The following NWD1 variants were observed in gnomAD, a reference collection of about 807,000 sequenced individuals.
NWD1 encodes the protein NACHT and WD repeat domain containing 1.
NWD1 carries 129 observed loss-of-function variants against 135.1 expected under a neutral mutation model. That is an observed-to-expected ratio of 0.96 (90% CI 0.83 to 1.11). NWD1 has a LOEUF of 1.11. Ranked by LOEUF, NWD1 falls within the 50% of genes least tolerant of loss-of-function variation. NWD1 has a pLI of 0.00. For missense variants in NWD1, 1,740 were observed against 1,851.3 expected (o/e 0.94, Z 1.10); for synonymous variants, 773 against 786.0 (o/e 0.98, Z 0.28).
intron 17 of NWD1, among the ~76,000 whole-genome samples, chr19:16,804,078 C>T (rs1356090866): frequency 6.6e-6 from 1 of 152,108 alleles, no homozygotes; most frequent in Non-Finnish European, 1.5e-5. Flanking sequence ...GATATTTGCA[C>T]AAGTGATGTA....
rs1476173711 is a variant in NWD1, at chr19:16,759,433, G to A, written c.1973+5G>A. 1 of 1,549,594 alleles carries A rather than the reference G, an allele frequency of 6.5e-7. No homozygotes were observed. Among genetic ancestry groups the A allele is most frequent in the African/African-American group, 1.4e-5 (1 of 73,410 alleles). On this transcript the variant is annotated splice_donor_5th_base_variant and intron_variant, in intron 7 of 18. Transcript: ENST00000524140. ...CCTCCTGGCCATTGCCCACAGGTAG[G>A]TCCAGGCAGCAGTGGCAGCGACACT...
rs1169391212 is a variant in NWD1 at position 16,749,375 on chromosome 19, C to T, written c.733C>T (p.Pro245Ser). 1 of 1,613,682 alleles carries T rather than the reference C, an allele frequency of 6.2e-7. No homozygotes were observed. The highest frequency in any genetic ancestry group is 1.7e-5 in the Admixed American group (1 of 59,972). Residue 245 changes from proline to serine, a missense_variant, in exon 6 of 19, where the codon CCG becomes TCG. Transcript: ENST00000524140. ...HPGVLKTHRL[P>S]WSRDLVNPKN... ...AGGGGTCCTCAAGACCCACCGCCTG[C>T]CGTGGAGCCGCGACTTGGTGAACCC...
At chr19:16,725,052 C>T (rs2122665415) in intron 2 of NWD1, among the ~76,000 whole-genome samples, 1 of 151,614 alleles carries the variant, frequency 6.6e-6, no homozygotes, top group Non-Finnish European at 1.5e-5. Context: ...CACTCTGTCG[C>T]CCAGGCTGGA....
At chr19:16,742,045 C>T (rs762858548) in intron 4 of NWD1, among the ~76,000 whole-genome samples, 32 of 152,044 alleles carry the variant, frequency 2.1e-4, no homozygotes, top group South Asian at 4.2e-4. Context: ...TACCACTGCA[C>T]GCCAGCCTGG....
At chr19:16,757,312 C>G (rs1968835852) in intron 6 of NWD1, among the ~76,000 whole-genome samples, 2 of 152,138 alleles carry the variant, frequency 1.3e-5, no homozygotes, top group African/African-American at 4.8e-5. Context: ...CCAAGAAACG[C>G]TGCACTCAGC....
intron 17 of NWD1, among the ~76,000 whole-genome samples, chr19:16,802,807 C>G (rs1970642170): frequency 6.6e-6 from 1 of 151,974 alleles, no homozygotes; most frequent in African/African-American, 2.4e-5. Context: ...TCGAGACTAG[C>G]CTGGCCAACA....
At chr19:16,779,577 T>C in intron 12 of NWD1, 112 bp downstream of exon 12, 2 of 966,632 alleles carry the variant, frequency 2.1e-6, no homozygotes, top group Non-Finnish European at 3.2e-6. Context: ...CCTTTGTTCC[T>C]GCATCACTTA....
chr19:16,754,225 TATCC>T (rs1968692794), intron 6 of NWD1, among the ~76,000 whole-genome samples: 2 of 144,674 alleles, frequency 1.4e-5, no homozygotes, highest in Admixed American at 1.4e-4. Flanking sequence ...TAAATCCATC[TATCC>T]ATCCATCCAT....
chr19:16,763,652 C>A (rs942763084), intron 8 of NWD1, among the ~76,000 whole-genome samples, 176 bp from the exon 9 acceptor site: 1 of 152,146 alleles, frequency 6.6e-6, no homozygotes, highest in Admixed American at 6.6e-5. Flanking sequence ...CTCTGAGTCC[C>A]AGATGTCGTC....
rs1568344455 is a variant in NWD1 at position 16,744,379 on chromosome 19, G to A, written c.199-42G>A. The stretch of plus-strand genomic sequence containing the variant: ...GCGACAGAGCAAGACCTTGTCTGAA[G>A]AAAAAAAGTGAGATTTGAATCTGTG... On this transcript the variant is annotated intron_variant, in intron 4 of 18. Coordinates refer to ENST00000524140, the MANE Select transcript of NWD1 (RefSeq NM_001007525.5). 6 of 1,524,274 alleles carry A rather than the reference G, an allele frequency of 3.9e-6. No homozygotes were observed. The South Asian group carries it at 6.0e-5, about 15-fold the overall frequency. 94.4% of individuals were successfully genotyped at this position (1,524,274 alleles called of 1,614,324 possible). A position where few individuals can be genotyped will look rare whatever the true frequency, so the allele number is the denominator to read the frequency against.
chr19:16,811,412 C>T (rs372811409), intron 18 of NWD1, among the ~76,000 whole-genome samples: 9 of 151,570 alleles, frequency 5.9e-5, no homozygotes, highest in African/African-American at 1.9e-4. Flanking sequence ...GGTGAAACCT[C>T]ATCTCTCATA....
In NWD1 at chr19:16,736,655, A is replaced by G; in HGVS notation, c.103A>G (p.Ile35Val). 1 of 1,535,436 alleles carries G rather than the reference A, an allele frequency of 6.5e-7. No homozygotes were observed. The highest frequency in any genetic ancestry group is 2.4e-5 in the East Asian group (1 of 40,906). ...MFEVVDLRWG[I>V]RNIEATDHLT... ...CCAGGTCGTTGATCTGAGGTGGGGTATTCGGAACATTGAAGCCACTGACCA... is the reference window on the plus strand; with the variant it reads ...CCAGGTCGTTGATCTGAGGTGGGGTGTTCGGAACATTGAAGCCACTGACCA... Residue 35 changes from isoleucine to valine, a missense_variant, in exon 4 of 19, where the codon ATT (isoleucine) becomes GTT (valine). Transcript: ENST00000524140.
chr19:16,736,636 C>A lies in NWD1; in HGVS notation c.84C>A (p.Val28=). Residue 28 remains valine (V), a splice_region_variant and synonymous_variant, in exon 4 of 19, where the codon GTC becomes GTA. Coordinates refer to ENST00000524140, the MANE Select transcript of NWD1 (RefSeq NM_001007525.5). ...FCQRHGLMFE[V]VDLRWGIRNI... is the part of the protein sequence containing the mutation. Reference sequence around the variant, plus strand: ...AAACTTGTGTTTCTATTTCCCAGGTCGTTGATCTGAGGTGGGGTATTCGGA... The same window carrying A: ...AAACTTGTGTTTCTATTTCCCAGGTAGTTGATCTGAGGTGGGGTATTCGGA... The A allele has an allele frequency of 6.6e-7, 1 of 1,523,964 alleles. No homozygotes were observed. The highest frequency in any genetic ancestry group is 1.2e-5 in the South Asian group (1 of 83,788). 94.4% of individuals were successfully genotyped at this position (1,523,964 alleles called of 1,614,324 possible).
At position 16,807,723 on chromosome 19, in the gene NWD1, T is replaced by C. The variant is rs1213778766; in HGVS notation, c.3874T>C (p.Cys1292Arg). The change falls in exon 18 of 19, where the codon TGC (cysteine) becomes CGC (arginine). Residue 1292 changes from cysteine to arginine, a missense_variant. Physicochemically the swap from Cys to Arg is radical, Grantham distance 180. Coordinates refer to ENST00000524140, the MANE Select transcript of NWD1 (RefSeq NM_001007525.5). ...FPLNSRQDVICIPPPEARKAI... is the reference protein window; with the variant it reads ...FPLNSRQDVIRIPPPEARKAI... ...CCTGAATTCCAGGCAGGACGTGATATGCATTCCCCCTCCCGAGGCCCGGAA... is the reference window on the plus strand; with the variant it reads ...CCTGAATTCCAGGCAGGACGTGATACGCATTCCCCCTCCCGAGGCCCGGAA... 1.9e-6 allele frequency: 3 copies of C among 1,613,552 alleles called. No homozygotes were observed. Among genetic ancestry groups the C allele is most frequent in the Non-Finnish European group, 2.5e-6 (3 of 1,179,740 alleles).
rs1397042105 is a variant in NWD1, at chr19:16,799,899, C to G, written c.3473C>G (p.Ser1158Ter). Reference protein sequence around the residue: ...LDALIQVWSLSEQGTLLDILE... With the variant: ...LDALIQVWSL ...CTGCTTCCTCAGGTGTGGAGTCTGT[C>G]AGAACAGGGGACCCTTCTGGACATC... The change falls in exon 17 of 19, where the codon TCA becomes TGA. Residue 1158 changes from serine (S) to a stop codon, truncating the protein, a stop_gained. Coordinates refer to ENST00000524140, the MANE Select transcript of NWD1 (RefSeq NM_001007525.5). LOFTEE classifies it high-confidence loss of function. 1 of 1,607,790 alleles carries G rather than the reference C, an allele frequency of 6.2e-7. No homozygotes were observed. Among genetic ancestry groups the G allele is most frequent in the South Asian group, 1.1e-5 (1 of 90,346 alleles).
chr19:16,800,810 C>T (rs750454565), intron 17 of NWD1, among the ~76,000 whole-genome samples: 4 of 152,110 alleles, frequency 2.6e-5, no homozygotes, highest in African/African-American at 9.7e-5. Context: ...TGCTACAGTT[C>T]GGAGGTTTGG....
intron 13 of NWD1, 50 bp from the exon 14 acceptor site, chr19:16,791,300 T>C: frequency 6.4e-7 from 1 of 1,560,376 alleles, no homozygotes. Flanking sequence ...GGGAAACTTG[T>C]AGTCTAGGTC....
In NWD1 at chr19:16,744,469, G is replaced by A. The variant is rs1158651452; in HGVS notation, c.247G>A (p.Asp83Asn). The A allele has an allele frequency of 5.2e-6, 8 of 1,535,604 alleles. No individual in the cohort carries two copies. Among genetic ancestry groups the A allele is most frequent in the African/African-American group, 2.7e-5 (2 of 73,010 alleles). Residue 83 changes from aspartate (D) to asparagine (N), a missense_variant, in exon 5 of 19, where the codon GAT becomes AAT. Physicochemically the swap from Asp to Asn is conservative, Grantham distance 23 (BLOSUM62 1). Transcript: ENST00000524140. ...YGPCLIPSRI[D>N]EKEWEVLRDH... is the part of the protein sequence containing the mutation. Reference sequence around the variant, plus strand: ...CCCCTGTCTGATTCCCTCGCGGATCGATGAGAAGGAGTGGGAGGTATTGAG... The same window carrying A: ...CCCCTGTCTGATTCCCTCGCGGATCAATGAGAAGGAGTGGGAGGTATTGAG...
intron 1 of NWD1, among the ~76,000 whole-genome samples, chr19:16,720,858 T>A (rs965328976): frequency 1.4e-4 from 21 of 151,704 alleles, no homozygotes; most frequent in African/African-American, 5.1e-4. Flanking sequence ...TGGCCGAGAC[T>A]TTTTCTTTTT....
Sources: allele counts gnomAD v4.1 joint callset (sites outside exome capture counted in the v4.1 genomes callset), GRCh38; gene constraint gnomAD v4.1.1; transcripts MANE v1.5; gene names NCBI Gene and HGNC (gene_info 2026-07-23, HGNC 2026-07-21).